The following NECTIN1 variants were observed in gnomAD, a reference collection of about 807,000 sequenced individuals.
NECTIN1 encodes nectin cell adhesion molecule 1, also known as nectin-1.
NECTIN1 carries 23 observed loss-of-function variants against 48.0 expected under a neutral mutation model. The ratio of observed to expected loss-of-function variants is 0.48; its 90% CI spans 0.34 to 0.68. NECTIN1 has a LOEUF of 0.68. Among genes scored for constraint, NECTIN1 ranks in the 30% least tolerant of loss-of-function variants. The pLI is 0.01. For synonymous variants in NECTIN1, 270 were observed against 288.9 expected (o/e 0.93, Z 0.66); for missense variants, 591 against 709.9 (o/e 0.83, Z 1.90).
intron 5 of NECTIN1, among the ~76,000 whole-genome samples, chr11:119,646,594 T>C (rs1412993207): frequency 6.6e-6 from 1 of 152,168 alleles, no homozygotes; most frequent in Non-Finnish European, 1.5e-5. Context: ...TTTGAGTCTG[T>C]TGACAGATGG....
In NECTIN1 at chr11:119,687,099, TCTC is replaced by T. The variant is rs575669329; in HGVS notation, c.80-8337_80-8335del. Among the ~76,000 whole-genome samples the T allele has an allele frequency of 2.3e-4, 35 of 152,086 alleles. No homozygotes were observed. The East Asian group carries it at 6.6e-3, about 29-fold the overall frequency. On this transcript the variant is annotated intron_variant, in intron 1 of 5. Coordinates refer to ENST00000264025, the MANE Select transcript of NECTIN1 (RefSeq NM_002855.5). ...GGGAAGCAGGTCAGGGTCCGAATCT[TCTC>T]CTTCCTTGACTGAAAGCAGGAAGCC...
intron 5 of NECTIN1, chr11:119,642,859 A>T (rs1864346761): frequency 6.5e-6 from 1 of 153,692 alleles, no homozygotes; most frequent in African/African-American, 2.4e-5. Flanking sequence ...GAATAACAAG[A>T]AAAAGGTGTA....
chr11:119,706,967 C>T (rs78058743), intron 1 of NECTIN1, among the ~76,000 whole-genome samples: 2,209 of 152,232 alleles, frequency 0.015, 23 homozygotes, highest in South Asian at 0.024. Context: ...CCAAATCTGC[C>T]CCTGTCCCTC....
intron 5 of NECTIN1, chr11:119,674,374 T>G (rs868046585): frequency 3.4e-6 from 5 of 1,469,214 alleles, no homozygotes; most frequent in Admixed American, 2.4e-5. Context: ...ATAATGATGA[T>G]GATGGAGGTC....
At chr11:119,716,776 G>A (rs138762886) in intron 1 of NECTIN1, among the ~76,000 whole-genome samples, 19 of 152,354 alleles carry the variant, frequency 1.2e-4, no homozygotes, top group African/African-American at 4.6e-4. Context: ...AACCCCAGGA[G>A]GGGGGTGAGG....
intron 1 of NECTIN1, among the ~76,000 whole-genome samples, chr11:119,717,893 T>A (rs1707934059): frequency 6.6e-6 from 1 of 152,214 alleles, no homozygotes; most frequent in South Asian, 2.1e-4. Flanking sequence ...TCCAAGCACT[T>A]CCTAGGTGCA....
chr11:119,708,850 G>A (rs1463953837), intron 1 of NECTIN1, among the ~76,000 whole-genome samples: 1 of 152,128 alleles, frequency 6.6e-6, no homozygotes, highest in African/African-American at 2.4e-5. Context: ...AGACAAGCAG[G>A]CTACCAGAAG....
intron 5 of NECTIN1, among the ~76,000 whole-genome samples, chr11:119,651,147 G>C (rs796079428): frequency 3.3e-5 from 5 of 152,292 alleles, no homozygotes; most frequent in African/African-American, 1.2e-4. Flanking sequence ...GGGAGAATTT[G>C]ACCTCTGGGA....
intron 5 of NECTIN1, among the ~76,000 whole-genome samples, chr11:119,649,163 G>T (rs376203283): frequency 6.6e-6 from 1 of 152,156 alleles, no homozygotes; most frequent in African/African-American, 2.4e-5. Flanking sequence ...GACAGATCAC[G>T]AGGTCAAGAG....
intron 1 of NECTIN1, among the ~76,000 whole-genome samples, chr11:119,702,528 C>T (rs577727186): frequency 6.6e-6 from 1 of 152,314 alleles, no homozygotes; most frequent in African/African-American, 2.4e-5. Flanking sequence ...TGGGCCTAGC[C>T]TGGCCCTTCC....
intron 5 of NECTIN1, among the ~76,000 whole-genome samples, chr11:119,647,250 A>C (rs1297048536): frequency 7.3e-6 from 1 of 136,666 alleles, no homozygotes; most frequent in Non-Finnish European, 1.5e-5. Context: ...GAAAGGGTTG[A>C]GGATTGTCAC....
At chr11:119,645,033 GCCA>G (rs1864377470) in intron 5 of NECTIN1, among the ~76,000 whole-genome samples, 1 of 152,218 alleles carries the variant, frequency 6.6e-6, no homozygotes, top group African/African-American at 2.4e-5. Flanking sequence ...CCCCAGGGCA[GCCA>G]CTTGGCACTT....
At chr11:119,712,445 G>A (rs1178377289) in intron 1 of NECTIN1, among the ~76,000 whole-genome samples, 1 of 152,092 alleles carries the variant, frequency 6.6e-6, no homozygotes, top group Non-Finnish European at 1.5e-5. Flanking sequence ...GGAGACAGGG[G>A]CCTCACCTGT....
chr11:119,720,332 G>C lies in NECTIN1; in HGVS notation c.79+8143C>G, dbSNP rs11217427. ...AGCTGCCTCCCCAGTCCTGCCCGGG[G>C]CATGTACCCCAGACCAGCTGCTGGC... On this transcript the variant is annotated intron_variant, in intron 1 of 5. Coordinates refer to ENST00000264025, the MANE Select transcript of NECTIN1 (RefSeq NM_002855.5). Among the ~76,000 whole-genome samples, 237 of 152,382 alleles carry C rather than the reference G, an allele frequency of 1.6e-3. 3 individuals carry two copies. The East Asian group carries it at 0.039, about 25-fold the overall frequency.
intron 5 of NECTIN1, among the ~76,000 whole-genome samples, chr11:119,667,139 C>A (rs1339187578): frequency 6.6e-6 from 1 of 152,184 alleles, no homozygotes; most frequent in Non-Finnish European, 1.5e-5. Context: ...GAACCTCAAG[C>A]ATCTCCCGGC....
At chr11:119,648,529 C>T in intron 5 of NECTIN1, among the ~76,000 whole-genome samples, 1 of 149,692 alleles carries the variant, frequency 6.7e-6, no homozygotes, top group Non-Finnish European at 1.5e-5. Flanking sequence ...CCTCCTGGAG[C>T]CACTGTCCAG....
At chr11:119,639,749 G>T (rs985269375) in intron 6 of NECTIN1, 3 of 1,362,006 alleles carry the variant, frequency 2.2e-6, no homozygotes, top group Non-Finnish European at 3.1e-6. Flanking sequence ...CCAGGGTGGG[G>T]AGGCCCTAGA....
chr11:119,639,146 C>T lies in NECTIN1; in HGVS notation c.1152-340G>A, dbSNP rs148956724. On this transcript the variant is annotated intron_variant, in intron 6 of 7. Coordinates refer to the NECTIN1 transcript ENST00000341398. Reference sequence around the variant, plus strand: ...GCCCTCACCCAGGGCGGGCATGAGGCCTCAGGTGCACGGTATGCGGCACCG... The same window carrying T: ...GCCCTCACCCAGGGCGGGCATGAGGTCTCAGGTGCACGGTATGCGGCACCG... 2.5e-4 allele frequency among the ~76,000 whole-genome samples: 38 copies of T among 152,322 alleles called. No individual in the cohort carries two copies. In the Middle Eastern group the frequency reaches 0.01, roughly 41 times the overall value.
At chr11:119,692,673 T>C (rs1000948131) in intron 1 of NECTIN1, among the ~76,000 whole-genome samples, 1 of 152,256 alleles carries the variant, frequency 6.6e-6, no homozygotes, top group East Asian at 1.9e-4. Flanking sequence ...GATATTTACA[T>C]ACATTAATTC....
Sources: allele counts gnomAD v4.1 joint callset (sites outside exome capture counted in the v4.1 genomes callset), GRCh38; gene constraint gnomAD v4.1.1; transcripts MANE v1.5; gene names NCBI Gene and HGNC (gene_info 2026-07-23, HGNC 2026-07-21).